Variants in TSHR observed in about 807,000 individuals in gnomAD.
TSHR encodes thyroid stimulating hormone receptor.
In TSHR, 51 loss-of-function variants were observed where a neutral mutation model predicts 64.1. That is an observed-to-expected ratio of 0.80 (90% CI 0.64 to 1.01). TSHR has a LOEUF of 1.01. Ranked by LOEUF, TSHR falls within the 50% of genes least tolerant of loss-of-function variation. The probability of loss-of-function intolerance (pLI) is 0.00; values close to 1 mark genes in which losing one functional copy is unlikely to be tolerated. For synonymous variants in TSHR, 361 were observed against 361.9 expected (o/e 1.00, Z 0.03); for missense variants, 877 against 942.8 (o/e 0.93, Z 0.91).
intron 8 of TSHR, among the ~76,000 whole-genome samples, chr14:81,115,764 G>T (rs373182133): frequency 6.6e-5 from 10 of 151,760 alleles, no homozygotes; most frequent in South Asian, 4.2e-4. Flanking sequence ...GAAAAAATGT[G>T]AAGGGCAGCC....
intron 1 of TSHR, among the ~76,000 whole-genome samples, chr14:80,986,913 C>G (rs1340906151): frequency 6.6e-6 from 1 of 152,208 alleles, no homozygotes; most frequent in Non-Finnish European, 1.5e-5. Flanking sequence ...GTGTCTTGCA[C>G]AAAGTCCACC....
chr14:81,068,631 C>T (rs1222377675), intron 3 of TSHR, among the ~76,000 whole-genome samples: 1 of 152,172 alleles, frequency 6.6e-6, no homozygotes, highest in Non-Finnish European at 1.5e-5. Context: ...TAGGTATTTA[C>T]TGAGTAACTA....
At chr14:81,052,288 T>C (rs1168243090) in intron 1 of TSHR, 2 of 152,202 alleles carry the variant, frequency 1.3e-5, no homozygotes, top group African/African-American at 2.4e-5. Context: ...TCTAACACCA[T>C]TTATTGAAGA....
chr14:81,008,017 T>C (rs1028854731), intron 1 of TSHR, among the ~76,000 whole-genome samples: 1 of 152,214 alleles, frequency 6.6e-6, no homozygotes, highest in African/African-American at 2.4e-5. Flanking sequence ...GACTCAATTC[T>C]GAAAACTTGT....
intron 1 of TSHR, among the ~76,000 whole-genome samples, chr14:81,006,443 T>C (rs1889608422): frequency 6.6e-6 from 1 of 152,170 alleles, no homozygotes; most frequent in Non-Finnish European, 1.5e-5. Flanking sequence ...ACCAGTCAAT[T>C]TGGATTAGGG....
At chr14:81,127,799 C>T (rs59334515) in intron 8 of TSHR, among the ~76,000 whole-genome samples, 35,993 of 152,032 alleles carry the variant, frequency 0.24, 4,322 homozygotes, top group East Asian at 0.29. Flanking sequence ...TGGGAGGCAA[C>T]GTGGAACTGT....
intron 1 of TSHR, among the ~76,000 whole-genome samples, chr14:81,034,690 T>C (rs1438665067): frequency 6.6e-6 from 1 of 152,196 alleles, no homozygotes; most frequent in East Asian, 1.9e-4. Context: ...TTTGTGGAAA[T>C]TTCACCAATT....
chr14:81,061,462 C>T (rs751769211), intron 1 of TSHR, among the ~76,000 whole-genome samples: 91 of 152,112 alleles, frequency 6.0e-4, no homozygotes, highest in African/African-American at 1.4e-3. Flanking sequence ...ATTATGCAGT[C>T]GTAAAAAAGA....
intron 6 of TSHR, among the ~76,000 whole-genome samples, chr14:81,095,864 ACCT>A (rs1427252218): frequency 6.6e-6 from 1 of 151,992 alleles, no homozygotes; most frequent in Non-Finnish European, 1.5e-5. Context: ...ACATGGTGAA[ACCT>A]CATCTCTACA....
chr14:81,112,329 C>T (rs1890259996), intron 8 of TSHR, among the ~76,000 whole-genome samples: 1 of 152,146 alleles, frequency 6.6e-6, no homozygotes, highest in Admixed American at 6.5e-5. Flanking sequence ...TTATTCTGAT[C>T]TGTTGTAACC....
chr14:81,005,163 T>C (rs1176246209), intron 1 of TSHR, among the ~76,000 whole-genome samples: 1 of 152,082 alleles, frequency 6.6e-6, no homozygotes, highest in Non-Finnish European at 1.5e-5. Flanking sequence ...CTGGTCCTGT[T>C]TCTCCTGCCT....
chr14:81,047,338 C>T (rs190402110), intron 1 of TSHR, among the ~76,000 whole-genome samples: 119 of 152,086 alleles, frequency 7.8e-4, no homozygotes, highest in African/African-American at 2.7e-3. Flanking sequence ...ACACACACAC[C>T]CCTCCCCCAA....
chr14:80,982,051 C>CT (rs1888198991), intron 1 of TSHR: 1 of 477,084 alleles, frequency 2.1e-6, no homozygotes, highest in African/African-American at 2.0e-5. Context: ...GCTATACAAG[C>CT]TAAAGCTGGA....
At chr14:81,109,107 TC>T (rs1890106811) in intron 8 of TSHR, among the ~76,000 whole-genome samples, 1 of 152,132 alleles carries the variant, frequency 6.6e-6, no homozygotes, top group Non-Finnish European at 1.5e-5. Context: ...TCCACTCTAG[TC>T]CTTGCCAAAG....
At chr14:81,014,603 A>G (rs367976648) in intron 1 of TSHR, among the ~76,000 whole-genome samples, 3 of 152,196 alleles carry the variant, frequency 2.0e-5, no homozygotes, top group African/African-American at 7.2e-5. Context: ...CAATGCTACC[A>G]GACTCTTTAA....
chr14:81,072,264 A>G (rs1887127508), intron 3 of TSHR, among the ~76,000 whole-genome samples: 1 of 152,226 alleles, frequency 6.6e-6, no homozygotes, highest in Admixed American at 6.5e-5. Context: ...CTTCATGTGT[A>G]TTGGAGCCAT....
chr14:81,112,076 C>T (rs117544714), intron 8 of TSHR, among the ~76,000 whole-genome samples: 2,047 of 152,100 alleles, frequency 0.013, 16 homozygotes, highest in Non-Finnish European at 0.021. Flanking sequence ...AAATGCTTTC[C>T]CTGCCTCTTG....
At chr14:81,104,411 C>T in intron 7 of TSHR, 7 of 985,412 alleles carry the variant, frequency 7.1e-6, no homozygotes, top group Non-Finnish European at 8.4e-6. Flanking sequence ...CATCTTGGAG[C>T]TGCAATGTAT....
At chr14:81,121,181 A>T (rs1039829568) in intron 8 of TSHR, among the ~76,000 whole-genome samples, 4 of 152,094 alleles carry the variant, frequency 2.6e-5, no homozygotes, top group Non-Finnish European at 5.9e-5. Context: ...TATGGCAAAA[A>T]AAAAGGGTGG....
Sources: allele counts gnomAD v4.1 joint callset (sites outside exome capture counted in the v4.1 genomes callset), GRCh38; gene constraint gnomAD v4.1.1; transcripts MANE v1.5; gene names NCBI Gene and HGNC (gene_info 2026-07-23, HGNC 2026-07-21).